The following XNDC1N variants were observed in gnomAD, a reference collection of about 807,000 sequenced individuals.
XNDC1N encodes XRCC1 N-terminal domain containing 1, N-terminal like, also known as protein XNDC1N.
At chr11:71,895,466 T>C in the XNDC1N span, among the ~76,000 whole-genome samples, 1 of 144,016 alleles carries the variant, frequency 6.9e-6, no homozygotes, top group African/African-American at 2.6e-5. Context: ...TGCGCTACCA[T>C]GCCTGGCTAT....
the XNDC1N span, among the ~76,000 whole-genome samples, chr11:71,926,404 A>G: frequency 6.6e-6 from 1 of 152,198 alleles, no homozygotes; most frequent in East Asian, 1.9e-4. Flanking sequence ...ATTTTTTGGT[A>G]ATTACTCGTT....
At chr11:71,904,939 G>C in the XNDC1N span, among the ~76,000 whole-genome samples, 1 of 151,992 alleles carries the variant, frequency 6.6e-6, no homozygotes, top group Non-Finnish European at 1.5e-5. Context: ...TAATATCACA[G>C]GGAGTACACC....
At chr11:71,872,492 G>A in the XNDC1N span, among the ~76,000 whole-genome samples, 4 of 152,100 alleles carry the variant, frequency 2.6e-5, no homozygotes, top group African/African-American at 7.2e-5. Context: ...GGGAGGCCGA[G>A]GCGGGTGGAT....
chr11:71,917,857 T>A, the XNDC1N span: 6 of 661,320 alleles, frequency 9.1e-6, no homozygotes, highest in Non-Finnish European at 1.4e-5. Context: ...AGGACACTCC[T>A]CTACTTTACA....
At chr11:71,887,572 T>G in the XNDC1N span, among the ~76,000 whole-genome samples, 1 of 151,290 alleles carries the variant, frequency 6.6e-6, no homozygotes, top group African/African-American at 2.4e-5. Context: ...ATTGGCCAGT[T>G]AAGACTGGGG....
the XNDC1N span, among the ~76,000 whole-genome samples, chr11:71,896,378 G>T: frequency 6.6e-6 from 1 of 152,236 alleles, no homozygotes; most frequent in African/African-American, 2.4e-5. Flanking sequence ...AAGAAAAGTG[G>T]ATAATTGAGT....
the XNDC1N span, among the ~76,000 whole-genome samples, chr11:71,899,217 C>A: frequency 1.3e-5 from 2 of 152,124 alleles, no homozygotes; most frequent in Non-Finnish European, 2.9e-5. Context: ...GGGTTCCAGT[C>A]CTGTGGGCTC....
the XNDC1N span, among the ~76,000 whole-genome samples, chr11:71,904,466 T>A: frequency 1.3e-5 from 2 of 152,140 alleles, no homozygotes; most frequent in Non-Finnish European, 2.9e-5. Context: ...CCTAGGATAT[T>A]ATGAATAATA....
chr11:71,872,600 C>T, the XNDC1N span, among the ~76,000 whole-genome samples: 2 of 151,898 alleles, frequency 1.3e-5, no homozygotes, highest in Admixed American at 6.6e-5. Context: ...TGGTGGCGGG[C>T]GCCTGTAATC....
At chr11:71,870,090 T>A in the XNDC1N span, among the ~76,000 whole-genome samples, 1 of 152,182 alleles carries the variant, frequency 6.6e-6, no homozygotes, top group Non-Finnish European at 1.5e-5. Context: ...TTCCCATTTA[T>A]AAAATCATCA....
chr11:71,896,220 A>G, the XNDC1N span, among the ~76,000 whole-genome samples: 2 of 152,344 alleles, frequency 1.3e-5, no homozygotes, highest in African/African-American at 4.8e-5. Context: ...CGGAGCTTGC[A>G]GTGAGCCCGG....
chr11:71,889,290 G>A, the XNDC1N span, among the ~76,000 whole-genome samples: 4 of 152,334 alleles, frequency 2.6e-5, no homozygotes, highest in African/African-American at 4.8e-5. Context: ...ATGATTAGAA[G>A]CAGTATGGAA....
chr11:71,885,120 A>T, the XNDC1N span, among the ~76,000 whole-genome samples: 1 of 150,880 alleles, frequency 6.6e-6, no homozygotes, highest in Non-Finnish European at 1.5e-5. Context: ...CAGAGATTGT[A>T]CACCCGTCTG....
chr11:71,901,299 C>G, the XNDC1N span, among the ~76,000 whole-genome samples: 1 of 152,078 alleles, frequency 6.6e-6, no homozygotes, highest in Non-Finnish European at 1.5e-5. Context: ...CCTCTGAGCT[C>G]TGCTTAAAGC....
the XNDC1N span, among the ~76,000 whole-genome samples, chr11:71,869,118 T>C: frequency 6.6e-6 from 1 of 152,160 alleles, no homozygotes; most frequent in Non-Finnish European, 1.5e-5. Flanking sequence ...TTGTTACATA[T>C]GTATACATGT....
At chr11:71,889,503 A>C in the XNDC1N span, among the ~76,000 whole-genome samples, 1 of 152,196 alleles carries the variant, frequency 6.6e-6, no homozygotes, top group Non-Finnish European at 1.5e-5. Flanking sequence ...GGGAAGGACA[A>C]GTGATGGAGG....
At chr11:71,899,453 A>T in the XNDC1N span, among the ~76,000 whole-genome samples, 16,223 of 152,158 alleles carry the variant, frequency 0.11, 1,777 homozygotes, top group African/African-American at 0.28. Flanking sequence ...GAAAGACCTG[A>T]ACTTTCAACA....
chr11:71,897,789 A>C, the XNDC1N span, among the ~76,000 whole-genome samples: 1 of 152,250 alleles, frequency 6.6e-6, no homozygotes, highest in Admixed American at 6.5e-5. Flanking sequence ...ATTATTCACA[A>C]CAGCCAAAAT....
chr11:71,899,500 C>T, the XNDC1N span, among the ~76,000 whole-genome samples: 1 of 151,784 alleles, frequency 6.6e-6, no homozygotes, highest in Non-Finnish European at 1.5e-5. Context: ...TGTAGATTTG[C>T]CCCAGACACT....
Sources: gnomAD v4.1 joint callset for allele counts (sites outside exome capture counted in the v4.1 genomes callset) on GRCh38, gnomAD v4.1.1 for gene constraint, MANE v1.5 for transcripts, NCBI Gene and HGNC (gene_info 2026-07-23, HGNC 2026-07-21) for gene names.